The following CCDC171 variants were observed in gnomAD, a reference collection of about 807,000 sequenced individuals.
CCDC171 encodes the protein coiled-coil domain-containing protein 171.
A neutral mutation model predicts 168.2 loss-of-function variants in CCDC171; 177 were observed. The observed-to-expected ratio is 1.05, with a 90% CI of 0.93 to 1.19. The LOEUF is 1.19. CCDC171 is among the 50% of genes most tolerant of loss of function. The pLI, the probability that CCDC171 is intolerant of heterozygous loss-of-function variation, is 0.00. For synonymous variants in CCDC171, 687 were observed against 540.8 expected, an observed-to-expected ratio of 1.27 and a Z score of -3.75; for missense variants, 1,991 against 1,539.0, an observed-to-expected ratio of 1.29 and a Z score of -4.91.
intron 21 of CCDC171, among the ~76,000 whole-genome samples, chr9:15,791,484 A>G (rs886962338): frequency 3.3e-5 from 5 of 152,176 alleles, no homozygotes; most frequent in East Asian, 1.9e-4. Flanking sequence ...ATCAGCTTAA[A>G]GAGATTTTGG....
chr9:15,899,137 A>G (rs1470746204), intron 24 of CCDC171, among the ~76,000 whole-genome samples: 2 of 152,220 alleles, frequency 1.3e-5, no homozygotes, highest in South Asian at 4.1e-4. Context: ...GTTTTTGCAT[A>G]TATCAATAGT....
In CCDC171 at chr9:15,602,694, T is replaced by C. The variant is rs1049028455; in HGVS notation, c.675+8522T>C. On this transcript the variant is annotated intron_variant, in intron 6 of 25. Coordinates refer to ENST00000380701, the MANE Select transcript of CCDC171 (RefSeq NM_173550.4). Reference sequence around the variant, plus strand: ...TTTTTGATACAGAGTCTCTCTGTGTTGTCCAGGCTGGAGTGCAGTGATGTG... The same window carrying C: ...TTTTTGATACAGAGTCTCTCTGTGTCGTCCAGGCTGGAGTGCAGTGATGTG... Among the ~76,000 whole-genome samples, 10 of 140,998 alleles carry C rather than the reference T, an allele frequency of 7.1e-5. 1 individual carries two copies. The highest frequency in any genetic ancestry group is 1.6e-5 in the Non-Finnish European group (1 of 64,450). The allele number at this position is 140,998 out of a possible 152,430, so 92.5% of individuals were successfully genotyped here.
chr9:16,027,238 T>C (rs1833292210), intron 6 of CCDC171, among the ~76,000 whole-genome samples: 1 of 152,202 alleles, frequency 6.6e-6, no homozygotes, highest in South Asian at 2.1e-4. Context: ...TTCTTTTCCT[T>C]TGTGGGAATG....
chr9:15,575,953 G>T (rs867206099), intron 3 of CCDC171, among the ~76,000 whole-genome samples: 1 of 152,050 alleles, frequency 6.6e-6, no homozygotes, highest in Admixed American at 6.6e-5. Flanking sequence ...TTAGCTGGGC[G>T]TGGTGGTGCG....
intron 6 of CCDC171, among the ~76,000 whole-genome samples, chr9:15,603,373 G>T (rs1360504321): frequency 6.6e-6 from 1 of 152,138 alleles, no homozygotes; most frequent in African/African-American, 2.4e-5. Flanking sequence ...AGCTCAGCTT[G>T]CATAGCTGTT....
intron 21 of CCDC171, among the ~76,000 whole-genome samples, chr9:15,785,435 T>C (rs2057893543): frequency 6.6e-6 from 1 of 152,128 alleles, no homozygotes; most frequent in Non-Finnish European, 1.5e-5. Flanking sequence ...ATACAAATAA[T>C]ATCTATTTAT....
chr9:15,693,391 C>G (rs932687880), intron 10 of CCDC171, among the ~76,000 whole-genome samples: 1 of 151,962 alleles, frequency 6.6e-6, no homozygotes, highest in Admixed American at 6.6e-5. Flanking sequence ...TGATAACATG[C>G]TATAATTAAC....
intron 1 of CCDC171, among the ~76,000 whole-genome samples, chr9:15,557,768 C>G (rs1318747229): frequency 1.3e-5 from 2 of 152,098 alleles, no homozygotes; most frequent in African/African-American, 2.4e-5. Flanking sequence ...GAAGTTCCAA[C>G]ACTATGTTGA....
At chr9:16,044,779 C>T (rs967818597) in intron 1 of CCDC171, among the ~76,000 whole-genome samples, 1 of 152,142 alleles carries the variant, frequency 6.6e-6, no homozygotes, top group Non-Finnish European at 1.5e-5. Context: ...CCATGATGCC[C>T]CATGAACTCT....
At chr9:15,711,492 A>C (rs995738611) in intron 11 of CCDC171, among the ~76,000 whole-genome samples, 13 of 152,144 alleles carry the variant, frequency 8.5e-5, no homozygotes, top group Admixed American at 7.9e-4. Flanking sequence ...CTTTAGGAGA[A>C]ATTGTAGACT....
chr9:15,844,832 G>C (rs1025304481), intron 21 of CCDC171, among the ~76,000 whole-genome samples: 1 of 151,906 alleles, frequency 6.6e-6, no homozygotes, highest in Admixed American at 6.6e-5. Context: ...GTCAAGTGTG[G>C]GTTTATGATA....
chr9:15,870,469 A>G lies in CCDC171; in HGVS notation c.3469-4063A>G, dbSNP rs577496911. ...GCCATAATAGATTGGAGTAAATACAATTGAAGCAGATTAAAAGTATGACAT... is the reference window on the plus strand; with the variant it reads ...GCCATAATAGATTGGAGTAAATACAGTTGAAGCAGATTAAAAGTATGACAT... On this transcript the variant is annotated intron_variant, in intron 23 of 25. Coordinates refer to ENST00000380701, the MANE Select transcript of CCDC171 (RefSeq NM_173550.4). Among the ~76,000 whole-genome samples the G allele has an allele frequency of 2.6e-3, 396 of 152,028 alleles. 2 individuals carry two copies. The highest frequency in any genetic ancestry group is 8.9e-3 in the African/African-American group (370 of 41,536).
intron 9 of CCDC171, among the ~76,000 whole-genome samples, chr9:15,669,901 A>G (rs1281900318): frequency 6.7e-6 from 1 of 150,364 alleles, no homozygotes; most frequent in Non-Finnish European, 1.5e-5. Context: ...TAGTCCAAAG[A>G]TGGCTATTTG....
rs542080536 is a variant in CCDC171 at position 15,904,365 on chromosome 9, T to C, written c.3601-15905T>C. On this transcript the variant is annotated intron_variant, in intron 24 of 25. Coordinates refer to ENST00000380701, the MANE Select transcript of CCDC171 (RefSeq NM_173550.4). ...CTACAAGCCAGAAGACAGTGGGGGC[T>C]AATATTCAACATTCTTAAAAGAATT... 5.9e-5 allele frequency among the ~76,000 whole-genome samples: 9 copies of C among 152,298 alleles called. No individual in the cohort carries two copies. In the East Asian group the frequency reaches 1.4e-3, roughly 23 times the overall value.
chr9:16,068,506 T>C, the CCDC171 span, among the ~76,000 whole-genome samples: 1 of 152,238 alleles, frequency 6.6e-6, no homozygotes, highest in East Asian at 1.9e-4. Context: ...TATACTGTGA[T>C]GGCTAAAAGC....
At chr9:15,774,374 T>C (rs2057189779) in intron 18 of CCDC171, among the ~76,000 whole-genome samples, 1 of 146,620 alleles carries the variant, frequency 6.8e-6, no homozygotes. Flanking sequence ...ATCACTAAGA[T>C]CGGGAAATGT....
intron 3 of CCDC171, among the ~76,000 whole-genome samples, chr9:15,575,986 G>A (rs2040621101): frequency 6.6e-6 from 1 of 151,994 alleles, no homozygotes; most frequent in African/African-American, 2.4e-5. Flanking sequence ...CAGCTACTTG[G>A]GTGGCTGAGG....
chr9:15,839,581 G>T (rs1429627432), intron 21 of CCDC171, among the ~76,000 whole-genome samples: 1 of 152,174 alleles, frequency 6.6e-6, no homozygotes, highest in African/African-American at 2.4e-5. Flanking sequence ...ATGAACTAAT[G>T]TAATTATAAT....
chr9:16,021,013 G>A (rs1056074662), intron 4 of CCDC171, among the ~76,000 whole-genome samples: 2 of 152,188 alleles, frequency 1.3e-5, no homozygotes, highest in African/African-American at 2.4e-5. Flanking sequence ...AAAGACAAAC[G>A]CAAGTATTGC....
Sources: gnomAD v4.1 joint callset for allele counts (sites outside exome capture counted in the v4.1 genomes callset) on GRCh38, gnomAD v4.1.1 for gene constraint, MANE v1.5 for transcripts, NCBI Gene and HGNC (gene_info 2026-07-23, HGNC 2026-07-21) for gene names.